Variants in CDC14B observed in about 807,000 individuals in gnomAD.
CDC14B encodes dual specificity protein phosphatase CDC14B.
CDC14B carries 22 observed loss-of-function variants against 64.2 expected under a neutral mutation model. The ratio of observed to expected loss-of-function variants is 0.34; its 90% CI spans 0.24 to 0.49. The LOEUF (loss-of-function observed/expected upper bound fraction) is 0.49. Ranked by LOEUF, CDC14B falls within the 20% of genes least tolerant of loss-of-function variation. CDC14B has a pLI of 0.99. For missense variants in CDC14B, 498 were observed against 629.9 expected (o/e 0.79, Z 2.24); for synonymous variants, 191 against 215.8 (o/e 0.89, Z 1.01).
rs564335092 is a variant in CDC14B, at chr9:96,517,535, T to C, written c.1343+4971A>G. Among the ~76,000 whole-genome samples the C allele has an allele frequency of 5.6e-4, 81 of 144,872 alleles. No homozygotes were observed. The East Asian group carries it at 0.015, about 26-fold the overall frequency. On this transcript the variant is annotated intron_variant, in intron 12 of 13. Transcript: ENST00000375241. ...GGCGTGGTGGCAGGCACCACGCTAC[T>C]CGGGAGGCTGAGGCAGGAGAATGGC...
intron 4 of CDC14B, among the ~76,000 whole-genome samples, chr9:96,554,334 C>T (rs1414758225): frequency 6.6e-6 from 1 of 152,156 alleles, no homozygotes; most frequent in Non-Finnish European, 1.5e-5. Flanking sequence ...GGCCTTCTCT[C>T]AAATTATACA....
At position 96,565,508 on chromosome 9, in the gene CDC14B, C is replaced by A. The variant is rs747304652; in HGVS notation, c.161-25G>T. Reference sequence around the variant, plus strand: ...TCTGAAATGGAAAAATTGCAATGTTCCTTCCTGGAGGTTACAAAAAACGTT... The same window carrying A: ...TCTGAAATGGAAAAATTGCAATGTTACTTCCTGGAGGTTACAAAAAACGTT... On this transcript the variant is annotated intron_variant, in intron 1 of 13. Coordinates refer to ENST00000375241, the MANE Select transcript of CDC14B (RefSeq NM_033331.4). 3 of 1,468,928 alleles carry A rather than the reference C, an allele frequency of 2.0e-6. No individual in the cohort carries two copies. In the Admixed American group the frequency reaches 5.0e-5, roughly 25 times the overall value. 91.0% of individuals were successfully genotyped at this position (1,468,928 alleles called of 1,614,324 possible).
chr9:96,539,286 A>C (rs1839717463), intron 6 of CDC14B, 146 bp from the exon 7 acceptor site: 1 of 603,400 alleles, frequency 1.7e-6, no homozygotes, highest in Admixed American at 3.1e-5. Context: ...TTTCAAAGGA[A>C]GTGGGCGGCG....
chr9:96,588,400 A>G (rs1028420125), intron 1 of CDC14B, among the ~76,000 whole-genome samples: 1 of 152,228 alleles, frequency 6.6e-6, no homozygotes, highest in Non-Finnish European at 1.5e-5. Flanking sequence ...TTTGATGTTG[A>G]GGGCAAAAAG....
chr9:96,559,830 G>T (rs1236512688), intron 4 of CDC14B, among the ~76,000 whole-genome samples: 1 of 152,186 alleles, frequency 6.6e-6, no homozygotes, highest in Admixed American at 6.5e-5. Flanking sequence ...TAACCTGAAG[G>T]TGTGAAATTC....
intron 5 of CDC14B, among the ~76,000 whole-genome samples, chr9:96,549,057 T>A (rs961211851): frequency 5.9e-5 from 9 of 152,302 alleles, no homozygotes; most frequent in Non-Finnish European, 1.2e-4. Context: ...TTCTAATTGA[T>A]AAGTTCTATA....
At chr9:96,519,195 A>G (rs902254739) in intron 12 of CDC14B, among the ~76,000 whole-genome samples, 1 of 152,192 alleles carries the variant, frequency 6.6e-6, no homozygotes, top group African/African-American at 2.4e-5. Context: ...TAACAGATAT[A>G]CTCATCTCCA....
intron 7 of CDC14B, among the ~76,000 whole-genome samples, chr9:96,537,939 C>CA (rs1395257400): frequency 3.9e-5 from 6 of 152,222 alleles, no homozygotes; most frequent in South Asian, 4.1e-4. Flanking sequence ...AGGCTGATCT[C>CA]AAACTCCTGA....
chr9:96,502,498 C>T lies in CDC14B; in HGVS notation c.*1255G>A, dbSNP rs1025008587. ...GTCGACATCTCAGCCCTCCATGCTCCCGGCACAGGCAAAAATGGCTTAACA... is the reference window on the plus strand; with the variant it reads ...GTCGACATCTCAGCCCTCCATGCTCTCGGCACAGGCAAAAATGGCTTAACA... On this transcript the variant is annotated 3_prime_UTR_variant, in exon 14 of 14. Coordinates refer to ENST00000375241, the MANE Select transcript of CDC14B (RefSeq NM_033331.4). The T allele has an allele frequency of 1.5e-4, 28 of 181,550 alleles. No homozygotes were observed. The highest frequency in any genetic ancestry group is 6.3e-4 in the African/African-American group (27 of 42,782). 11.2% of individuals were successfully genotyped at this position (181,550 alleles called of 1,614,324 possible).
At chr9:96,594,196 T>A (rs1199726808) in intron 1 of CDC14B, among the ~76,000 whole-genome samples, 5 of 152,180 alleles carry the variant, frequency 3.3e-5, no homozygotes, top group African/African-American at 1.2e-4. Context: ...TGCTTTGGCT[T>A]ACCGCTGCTG....
At chr9:96,599,591 T>A (rs1030611839) in intron 1 of CDC14B, among the ~76,000 whole-genome samples, 3 of 152,144 alleles carry the variant, frequency 2.0e-5, no homozygotes, top group Non-Finnish European at 4.4e-5. Context: ...ATGAAAAACC[T>A]GGGGAAATCC....
At position 96,534,464 on chromosome 9, in the gene CDC14B, G is replaced by A. The variant is rs1287986269; in HGVS notation, c.706C>T (p.Leu236Phe). The A allele has an allele frequency of 6.2e-7, 1 of 1,601,788 alleles. No homozygotes were observed. The highest frequency in any genetic ancestry group is 8.6e-7 in the Non-Finnish European group (1 of 1,168,866). The change falls in exon 8 of 14, where the codon CTT becomes TTT. Residue 236 changes from leucine (L) to phenylalanine (F), a missense_variant. Physicochemically the swap from Leu to Phe is conservative, Grantham distance 22 (BLOSUM62 0). Transcript: ENST00000375241. Reference protein sequence around the residue: ...AFCGPHSRARLESGYHQHSPE... With the variant: ...AFCGPHSRARFESGYHQHSPE... ...CCATAATTTCACATACCACTTTCAA[G>A]TCTGGCTCTTGAATGAGGTCCACAG...
chr9:96,568,922 GAAAAAAA>G (rs61084994), intron 1 of CDC14B, among the ~76,000 whole-genome samples: 1 of 134,282 alleles, frequency 7.4e-6, no homozygotes, highest in Non-Finnish European at 1.6e-5. Context: ...CATCTCAAAA[GAAAAAAA>G]AAAAAGAAAA....
chr9:96,533,869 T>C, intron 9 of CDC14B, 58 bp downstream of exon 9: 1 of 1,059,272 alleles, frequency 9.4e-7, no homozygotes, highest in Non-Finnish European at 1.3e-6. Flanking sequence ...ATGGTCTGTT[T>C]CTACATATTC....
At chr9:96,545,844 CT>C (rs141529252) in intron 5 of CDC14B, among the ~76,000 whole-genome samples, 3,911 of 152,140 alleles carry the variant, frequency 0.026, 155 homozygotes, top group African/African-American at 0.087. Context: ...CGACAAGAAT[CT>C]TTGCTCACTC....
rs1564185630 is a variant in CDC14B at position 96,502,841 on chromosome 9, T to C, written c.*912A>G. The stretch of plus-strand genomic sequence containing the variant: ...AATCCAATGTTACAGGGAAGGACTC[T>C]AAAAAAGTGGTAACTTTTTTTTTTT... On this transcript the variant is annotated 3_prime_UTR_variant, in exon 14 of 14. Coordinates refer to ENST00000375241, the MANE Select transcript of CDC14B (RefSeq NM_033331.4). 5.1e-6 allele frequency: 2 copies of C among 395,078 alleles called. No individual in the cohort carries two copies. The highest frequency in any genetic ancestry group is 4.2e-5 in the African/African-American group (2 of 47,072). 24.5% of individuals were successfully genotyped at this position (395,078 alleles called of 1,614,324 possible).
At chr9:96,597,243 C>T (rs553453909) in intron 1 of CDC14B, among the ~76,000 whole-genome samples, 10 of 152,226 alleles carry the variant, frequency 6.6e-5, no homozygotes, top group East Asian at 3.9e-4. Flanking sequence ...CCTGTAATCC[C>T]GGTACTTTGG....
chr9:96,565,859 T>C (rs1843836395), intron 1 of CDC14B, among the ~76,000 whole-genome samples: 1 of 152,256 alleles, frequency 6.6e-6, no homozygotes, highest in South Asian at 2.1e-4. Flanking sequence ...TTCACTACGT[T>C]TTTCAAGACA....
chr9:96,578,903 C>T (rs1254571308), intron 1 of CDC14B, among the ~76,000 whole-genome samples: 1 of 152,220 alleles, frequency 6.6e-6, no homozygotes, highest in East Asian at 1.9e-4. Flanking sequence ...ACTGCAACCT[C>T]TGCCTCCTGG....
Sources: gnomAD v4.1 joint callset for allele counts (sites outside exome capture counted in the v4.1 genomes callset) on GRCh38, gnomAD v4.1.1 for gene constraint, MANE v1.5 for transcripts, NCBI Gene and HGNC (gene_info 2026-07-23, HGNC 2026-07-21) for gene names.